Variants in THSD4 observed in about 807,000 individuals in gnomAD.
THSD4 encodes the protein thrombospondin type 1 domain containing 4, also known as thrombospondin type-1 domain-containing protein 4.
THSD4 carries 69 observed loss-of-function variants against 119.0 expected under a neutral mutation model. The observed-to-expected ratio is 0.58, with a 90% CI of 0.48 to 0.71. The LOEUF is 0.71. Among genes scored for constraint, THSD4 ranks in the 30% least tolerant of loss-of-function variants. The probability of loss-of-function intolerance (pLI) is 0.00; values close to 1 mark genes in which losing one functional copy is unlikely to be tolerated. For synonymous variants in THSD4, 524 were observed against 540.4 expected, an observed-to-expected ratio of 0.97 and a Z score of 0.42; for missense variants, 1,393 against 1,391.1, an observed-to-expected ratio of 1.00 and a Z score of -0.02.
At chr15:71,334,572 C>T (rs554968150) in intron 6 of THSD4, among the ~76,000 whole-genome samples, 77 of 152,308 alleles carry the variant, frequency 5.1e-4, no homozygotes, top group Non-Finnish European at 9.3e-4. Flanking sequence ...TGGCTGTCAC[C>T]CAGGACCCAT....
At chr15:71,387,654 C>G (rs190888221) in intron 6 of THSD4, among the ~76,000 whole-genome samples, 3 of 152,300 alleles carry the variant, frequency 2.0e-5, no homozygotes, top group East Asian at 3.9e-4. Context: ...ATACAACTTT[C>G]ATCCCGAACT....
rs376596679 is a variant in THSD4, at chr15:71,737,931, G to T, written c.1830G>T (p.Pro610=). 163 of 1,614,158 alleles carry T rather than the reference G, an allele frequency of 1.0e-4. 2 individuals are homozygous for T. In the Middle Eastern group the frequency reaches 1.7e-3, roughly 16 times the overall value. Residue 610 remains proline, a synonymous_variant, in exon 11 of 18, where the codon CCG becomes CCT. Coordinates refer to ENST00000261862, the MANE Select transcript of THSD4 (RefSeq NM_024817.3). The part of the protein sequence containing the change: ...HRPDNLVPPA[P]QPPRRSRDHN... ...CGGACAACTTGGTGCCACCAGCACCGCAGCCCCCACGGCGCAGCCGGGATC... is the reference window on the plus strand; with the variant it reads ...CGGACAACTTGGTGCCACCAGCACCTCAGCCCCCACGGCGCAGCCGGGATC...
intron 3 of THSD4, among the ~76,000 whole-genome samples, chr15:71,199,639 GT>G (rs2043761237): frequency 1.1e-5 from 1 of 93,960 alleles, no homozygotes; most frequent in African/African-American, 5.0e-5. Flanking sequence ...TGTGTGTGGT[GT>G]GTGTGTGGTG....
chr15:71,532,283 A>AGAGAGAGAGAGAGAGAGT lies in THSD4; in HGVS notation c.1152+120461_1152+120462insAGAGAGAGAGAGAGAGTG, dbSNP rs1379506089. ...AAGGGTGAGAGAGAGAGAGAGAGAG[A>AGAGAGAGAGAGAGAGAGT]GTGTGTGTGTGTGTGTGTGTGTGTG... is the stretch of plus-strand genomic sequence containing the variant. On this transcript the variant is annotated intron_variant, in intron 7 of 17. Transcript: ENST00000261862. Among the ~76,000 whole-genome samples the AGAGAGAGAGAGAGAGAGT allele has an allele frequency of 3.0e-3, 303 of 101,592 alleles. 4 individuals carry two copies. Among genetic ancestry groups the AGAGAGAGAGAGAGAGAGT allele is most frequent in the South Asian group, 8.9e-3 (22 of 2,460 alleles). 66.6% of individuals were successfully genotyped at this position (101,592 alleles called of 152,430 possible).
chr15:71,499,685 C>T (rs1244030165), intron 7 of THSD4, among the ~76,000 whole-genome samples: 1 of 152,166 alleles, frequency 6.6e-6, no homozygotes, highest in East Asian at 1.9e-4. Flanking sequence ...CCAGGAACTA[C>T]CATTCTACTC....
intron 6 of THSD4, among the ~76,000 whole-genome samples, chr15:71,371,298 T>C (rs550526366): frequency 3.7e-4 from 56 of 152,326 alleles, no homozygotes; most frequent in African/African-American, 1.3e-3. Context: ...AATATTGTTA[T>C]GTATGAATTT....
At chr15:71,538,206 T>C (rs756830242) in intron 7 of THSD4, among the ~76,000 whole-genome samples, 4 of 152,222 alleles carry the variant, frequency 2.6e-5, no homozygotes, top group Non-Finnish European at 4.4e-5. Context: ...TATAGAAATA[T>C]AGACACATTT....
chr15:71,284,465 G>A (rs1455986795), intron 6 of THSD4, among the ~76,000 whole-genome samples: 1 of 152,158 alleles, frequency 6.6e-6, no homozygotes, highest in Non-Finnish European at 1.5e-5. Flanking sequence ...TTCAGGCATA[G>A]GAATTACATA....
At chr15:71,370,269 G>T (rs2046026184) in intron 6 of THSD4, among the ~76,000 whole-genome samples, 1 of 151,976 alleles carries the variant, frequency 6.6e-6, no homozygotes, top group East Asian at 1.9e-4. Context: ...GGTTTTTTAT[G>T]TCTCTATCTC....
chr15:71,151,066 G>T (rs965914272), intron 2 of THSD4, among the ~76,000 whole-genome samples: 2 of 152,122 alleles, frequency 1.3e-5, no homozygotes, highest in African/African-American at 4.8e-5. Context: ...GGAGAAAAGG[G>T]CTGGGCTGGG....
chr15:71,541,835 A>G (rs148154751), intron 7 of THSD4, among the ~76,000 whole-genome samples: 123 of 152,344 alleles, frequency 8.1e-4, no homozygotes, highest in African/African-American at 2.8e-3. Flanking sequence ...AGTACCAGGA[A>G]AGAAGGTATG....
intron 6 of THSD4, among the ~76,000 whole-genome samples, chr15:71,391,672 T>C (rs565825313): frequency 6.6e-6 from 1 of 152,278 alleles, no homozygotes; most frequent in East Asian, 1.9e-4. Context: ...CGCTTTCCAT[T>C]GAATCTGAGT....
chr15:71,253,316 G>C (rs1406894256), intron 5 of THSD4, among the ~76,000 whole-genome samples: 1 of 152,190 alleles, frequency 6.6e-6, no homozygotes, highest in Non-Finnish European at 1.5e-5. Flanking sequence ...CATTAGTGGA[G>C]TATTAAGCCG....
chr15:71,127,434 G>A (rs769077568), intron 1 of THSD4, among the ~76,000 whole-genome samples: 2 of 152,212 alleles, frequency 1.3e-5, no homozygotes, highest in Non-Finnish European at 2.9e-5. Context: ...ATACCCAGAA[G>A]TGGGATTCCT....
chr15:71,205,415 A>T (rs1416940056), intron 3 of THSD4, among the ~76,000 whole-genome samples: 2 of 152,168 alleles, frequency 1.3e-5, no homozygotes, highest in African/African-American at 4.8e-5. Flanking sequence ...AGAACTACTT[A>T]GCTGCTGGGT....
At chr15:71,108,575 G>T (rs1331531777) in intron 1 of THSD4, among the ~76,000 whole-genome samples, 3 of 152,178 alleles carry the variant, frequency 2.0e-5, no homozygotes, top group Non-Finnish European at 2.9e-5. Flanking sequence ...ACAATGGGGA[G>T]GGGGCTCACT....
intron 5 of THSD4, among the ~76,000 whole-genome samples, chr15:71,244,663 T>C (rs1031161496): frequency 6.6e-6 from 1 of 152,304 alleles, no homozygotes; most frequent in East Asian, 1.9e-4. Context: ...AACAGAAAAG[T>C]CGTGGTATCT....
At chr15:71,364,656 A>G (rs1024025947) in intron 6 of THSD4, among the ~76,000 whole-genome samples, 2 of 152,194 alleles carry the variant, frequency 1.3e-5, no homozygotes, top group African/African-American at 2.4e-5. Context: ...TTGTACATCA[A>G]CGTTTCCAGA....
chr15:71,616,021 C>G lies in THSD4; in HGVS notation c.1153-44509C>G, dbSNP rs558017004. Among the ~76,000 whole-genome samples the G allele has an allele frequency of 2.0e-5, 3 of 152,336 alleles. No homozygotes were observed. In the South Asian group the frequency reaches 6.2e-4, roughly 32 times the overall value. Reference sequence around the variant, plus strand: ...ACTGACCCACCTCACAGCACAACATCTGGCCCAGGATAGACACACAGTACA... The same window carrying G: ...ACTGACCCACCTCACAGCACAACATGTGGCCCAGGATAGACACACAGTACA... On this transcript the variant is annotated intron_variant, in intron 7 of 17. Coordinates refer to ENST00000261862, the MANE Select transcript of THSD4 (RefSeq NM_024817.3).
Sources: allele counts gnomAD v4.1 joint callset (sites outside exome capture counted in the v4.1 genomes callset), GRCh38; gene constraint gnomAD v4.1.1; transcripts MANE v1.5; gene names NCBI Gene and HGNC (gene_info 2026-07-23, HGNC 2026-07-21).